Variants in KIF14 observed in about 807,000 individuals in gnomAD.
KIF14 encodes the protein kinesin-like protein KIF14.
In KIF14, 98 loss-of-function variants were observed where a neutral mutation model predicts 176.2. The observed-to-expected ratio is 0.56, with a 90% CI of 0.47 to 0.66. The LOEUF is 0.66. Among genes scored for constraint, KIF14 ranks in the 30% least tolerant of loss-of-function variants. KIF14 has a pLI of 0.00. For synonymous variants in KIF14, 566 were observed against 632.2 expected (o/e 0.90, Z 1.57); for missense variants, 1,751 against 1,920.4 (o/e 0.91, Z 1.65).
chr1:200,610,464 C>T (rs768287837), intron 4 of KIF14, among the ~76,000 whole-genome samples: 6 of 147,390 alleles, frequency 4.1e-5, no homozygotes, highest in Admixed American at 2.1e-4. Context: ...GAGCCAAGAT[C>T]GCGCCACTGC....
At chr1:200,578,898 T>C (rs1159613857) in intron 21 of KIF14, among the ~76,000 whole-genome samples, 2 of 151,738 alleles carry the variant, frequency 1.3e-5, no homozygotes, top group Non-Finnish European at 2.9e-5. Context: ...GAGACCATCC[T>C]GGCTAACATG....
At chr1:200,577,713 AAG>A (rs1365731856) in intron 21 of KIF14, among the ~76,000 whole-genome samples, 4,058 of 151,658 alleles carry the variant, frequency 0.027, 193 homozygotes, top group African/African-American at 0.092. Flanking sequence ...AAAAGAAAAA[AAG>A]AAAAAAAAAA....
At position 200,618,596 on chromosome 1, in the gene KIF14, T is replaced by A; in HGVS notation, c.128A>T (p.Asp43Val). 6.2e-7 allele frequency: 1 copy of A among 1,614,146 alleles called. No homozygotes were observed. The highest frequency in any genetic ancestry group is 1.3e-5 in the African/African-American group (1 of 75,048). ...ATCATCATTTTCACATTCTGACATA[T>A]CCGACTTCAAATGCAGCTTAAGTCG... ...SSRLKLHLKS[D>V]MSECENDDPL... Residue 43 changes from aspartate to valine, a missense_variant, in exon 2 of 30, where the codon GAT (aspartate) becomes GTT (valine). By Grantham distance (152) the Asp-to-Val change is radical. Transcript: ENST00000367350.
Position 200,618,348 on chromosome 1 carries a change from T to C in KIF14, c.376A>G (p.Lys126Glu), listed in dbSNP as rs780290398. Residue 126 changes from lysine (K) to glutamate (E), a missense_variant, in exon 2 of 30, where the codon AAA becomes GAA. By Grantham distance (56) the Lys-to-Glu change is moderately conservative. Transcript: ENST00000367350. ...TTCCACTTTTCTGCAGAATCTGTTTTAGCACGACGTTGTAATGTAAGACGT... is the reference window on the plus strand; with the variant it reads ...TTCCACTTTTCTGCAGAATCTGTTTCAGCACGACGTTGTAATGTAAGACGT... ...ETRLTLQRRA[K>E]TDSAEKWKTA... The C allele has an allele frequency of 4.3e-6, 7 of 1,614,030 alleles. No individual in the cohort carries two copies. In the African/African-American group the frequency reaches 8.0e-5, roughly 18 times the overall value.
intron 8 of KIF14, 57 bp from the exon 9 acceptor site, chr1:200,604,012 T>A: frequency 9.4e-7 from 1 of 1,058,626 alleles, no homozygotes; most frequent in South Asian, 1.3e-5. Context: ...TCAATATAGG[T>A]TTTTTTAAAG....
At chr1:200,602,912 T>C (rs373131886) in intron 10 of KIF14, among the ~76,000 whole-genome samples, 1 of 152,200 alleles carries the variant, frequency 6.6e-6, no homozygotes, top group East Asian at 1.9e-4. Context: ...AGAACAGTTA[T>C]TTACACTCAT....
In KIF14 at chr1:200,603,316, A is replaced by G. The variant is rs955922277; in HGVS notation, c.1889T>C (p.Leu630Ser). ...LKEGVSINKS[L>S]LTLGKVISAL... Reference sequence around the variant, plus strand: ...AGATATAACTTTTCCCAAAGTTAGCAAGGACTTATTAATACTCACACCTTC... The same window carrying G: ...AGATATAACTTTTCCCAAAGTTAGCGAGGACTTATTAATACTCACACCTTC... The change falls in exon 10 of 30, where the codon TTG (leucine) becomes TCG (serine). Residue 630 changes from leucine (L) to serine (S), a missense_variant. By Grantham distance (145) the Leu-to-Ser change is moderately radical. Coordinates refer to ENST00000367350, the MANE Select transcript of KIF14 (RefSeq NM_014875.3). The G allele has an allele frequency of 6.2e-7, 1 of 1,607,126 alleles. No individual in the cohort carries two copies. Among genetic ancestry groups the G allele is most frequent in the Non-Finnish European group, 8.5e-7 (1 of 1,174,938 alleles).
chr1:200,578,548 T>G (rs1571497808), intron 21 of KIF14, among the ~76,000 whole-genome samples: 2 of 152,070 alleles, frequency 1.3e-5, no homozygotes, highest in Non-Finnish European at 2.9e-5. Flanking sequence ...CCATAATAAA[T>G]TCTATGTGAT....
At position 200,593,756 on chromosome 1, in the gene KIF14, A is replaced by T. The variant is rs754538965; in HGVS notation, c.2563T>A (p.Phe855Ile). 3 of 1,602,222 alleles carry T rather than the reference A, an allele frequency of 1.9e-6. No individual in the cohort carries two copies. In the Admixed American group the frequency reaches 5.0e-5, roughly 27 times the overall value. The change falls in exon 15 of 30, where the codon TTT becomes ATT. Residue 855 changes from phenylalanine (F) to isoleucine (I), a missense_variant. Physicochemically the swap from Phe to Ile is conservative, Grantham distance 21 (BLOSUM62 0). Transcript: ENST00000367350. ...GGGATAATACTCACTGTCCCACCAA[A>T]ATTTTTGATAGTACTGTTAAAATAA... is the stretch of plus-strand genomic sequence containing the variant. Reference protein sequence around the residue: ...IADDHCTIKNFGGTVSIIPVG... With the variant: ...IADDHCTIKNIGGTVSIIPVG...
At chr1:200,618,973 G>A (rs1180492551) in intron 1 of KIF14, 135 bp from the exon 2 acceptor site, 2 of 350,838 alleles carry the variant, frequency 5.7e-6, no homozygotes, top group Non-Finnish European at 1.0e-5. Flanking sequence ...CTCAGATACT[G>A]CTTCCAAGCA....
At chr1:200,558,253 C>A (rs1418337039) in intron 27 of KIF14, among the ~76,000 whole-genome samples, 1 of 152,148 alleles carries the variant, frequency 6.6e-6, no homozygotes, top group Non-Finnish European at 1.5e-5. Flanking sequence ...CCATCCCTGG[C>A]CAAGGATGGT....
At chr1:200,571,718 G>T (rs1198683438) in intron 22 of KIF14, among the ~76,000 whole-genome samples, 1 of 152,048 alleles carries the variant, frequency 6.6e-6, no homozygotes, top group Non-Finnish European at 1.5e-5. Context: ...ACAGAAATAG[G>T]ACTGATAAAA....
At chr1:200,558,693 G>A in intron 27 of KIF14, among the ~76,000 whole-genome samples, 1 of 152,202 alleles carries the variant, frequency 6.6e-6, no homozygotes, top group East Asian at 1.9e-4. Flanking sequence ...ATAGTTTACA[G>A]CCTGTGATGT....
intron 23 of KIF14, among the ~76,000 whole-genome samples, chr1:200,568,465 CT>C (rs1657590327): frequency 6.6e-6 from 1 of 151,996 alleles, no homozygotes; most frequent in Admixed American, 6.6e-5. Context: ...GATATAATAC[CT>C]TTTATGGCTA....
At chr1:200,559,521 G>GT in intron 26 of KIF14, 69 bp from the exon 27 acceptor site, 1 of 880,704 alleles carries the variant, frequency 1.1e-6, no homozygotes, top group Non-Finnish European at 1.6e-6. Flanking sequence ...TTAAATTTAG[G>GT]TTTTATATAT....
At chr1:200,602,111 TAATAAC>T (rs1659657906) in intron 10 of KIF14, 43 bp from the exon 11 acceptor site, 4 of 1,517,444 alleles carry the variant, frequency 2.6e-6, no homozygotes, top group African/African-American at 1.4e-5. Flanking sequence ...TACAACAACT[TAATAAC>T]AGTAATTATC....
intron 23 of KIF14, among the ~76,000 whole-genome samples, chr1:200,569,254 A>T (rs530454415): frequency 6.6e-6 from 1 of 152,276 alleles, no homozygotes; most frequent in East Asian, 1.9e-4. Flanking sequence ...AATTGTAATT[A>T]TTACAGGTAG....
intron 2 of KIF14, among the ~76,000 whole-genome samples, chr1:200,616,093 T>C (rs1328299036): frequency 1.3e-5 from 2 of 152,198 alleles, no homozygotes; most frequent in Non-Finnish European, 2.9e-5. Flanking sequence ...TTCCTCTAGA[T>C]TCTCTCCCTT....
intron 25 of KIF14, among the ~76,000 whole-genome samples, chr1:200,563,776 T>C (rs572744511): frequency 1.2e-4 from 18 of 152,326 alleles, no homozygotes; most frequent in South Asian, 4.1e-4. Flanking sequence ...TGACTAAGTA[T>C]TCTCCAATAT....
Sources: gnomAD v4.1 joint callset for allele counts (sites outside exome capture counted in the v4.1 genomes callset) on GRCh38, gnomAD v4.1.1 for gene constraint, MANE v1.5 for transcripts, NCBI Gene and HGNC (gene_info 2026-07-23, HGNC 2026-07-21) for gene names.